The following SLC25A26 variants were observed in gnomAD, a reference collection of about 807,000 sequenced individuals.
The protein encoded by SLC25A26 is mitochondrial S-adenosylmethionine carrier protein.
A neutral mutation model predicts 37.8 loss-of-function variants in SLC25A26; 36 were observed. The ratio of observed to expected loss-of-function variants is 0.95; its 90% CI spans 0.73 to 1.26. The LOEUF is 1.26. Among genes scored for constraint, SLC25A26 ranks in the 50% most tolerant of loss-of-function variants. The pLI is 0.00. For synonymous variants in SLC25A26, 129 were observed against 122.5 expected (o/e 1.05, Z -0.35); for missense variants, 390 against 331.1 (o/e 1.18, Z -1.38).
chr3:66,164,115 G>A (rs1316633220), intron 1 of SLC25A26, among the ~76,000 whole-genome samples: 5 of 152,284 alleles, frequency 3.3e-5, no homozygotes, highest in African/African-American at 1.2e-4. Flanking sequence ...AGAAATAGAA[G>A]ATTTTGTAAT....
At chr3:66,206,671 A>G (rs892640014) in intron 1 of SLC25A26, among the ~76,000 whole-genome samples, 17 of 150,372 alleles carry the variant, frequency 1.1e-4, no homozygotes, top group Admixed American at 1.1e-3. Flanking sequence ...CAGTTAACAT[A>G]TTTGCATCGC....
chr3:66,304,769 C>A (rs1311124429), intron 5 of SLC25A26, among the ~76,000 whole-genome samples: 2 of 152,138 alleles, frequency 1.3e-5, no homozygotes, highest in African/African-American at 4.8e-5. Context: ...TGGCTCAGAA[C>A]TTTGCAATTT....
At chr3:66,153,683 C>T (rs1179472199) in intron 1 of SLC25A26, among the ~76,000 whole-genome samples, 3 of 152,202 alleles carry the variant, frequency 2.0e-5, no homozygotes, top group Admixed American at 2.0e-4. Context: ...ATGCAAGTCT[C>T]CTGGTGGAAT....
intron 1 of SLC25A26, among the ~76,000 whole-genome samples, chr3:66,201,506 TA>T (rs1365666500): frequency 6.6e-6 from 1 of 152,122 alleles, no homozygotes; most frequent in East Asian, 1.9e-4. Context: ...GCTAATTTTT[TA>T]TTTTTTTAAA....
intron 1 of SLC25A26, among the ~76,000 whole-genome samples, chr3:66,190,283 C>A (rs2070912721): frequency 6.6e-6 from 1 of 150,396 alleles, no homozygotes; most frequent in Non-Finnish European, 1.5e-5. Flanking sequence ...CCACTGCACT[C>A]CAGCCTGGAC....
intron 3 of SLC25A26, among the ~76,000 whole-genome samples, chr3:66,245,837 G>GTTCA (rs2107139732): frequency 1.3e-5 from 2 of 152,216 alleles, no homozygotes; most frequent in Admixed American, 1.3e-4. Context: ...ATACCATACA[G>GTTCA]TTCACCCCTT....
chr3:66,245,341 A>G (rs2072783568), intron 3 of SLC25A26, among the ~76,000 whole-genome samples: 1 of 151,614 alleles, frequency 6.6e-6, no homozygotes, highest in South Asian at 2.1e-4. Flanking sequence ...TCATTAACTT[A>G]TCTTTCTCCC....
intron 1 of SLC25A26, among the ~76,000 whole-genome samples, chr3:66,154,240 C>A (rs540075082): frequency 6.6e-6 from 1 of 152,116 alleles, no homozygotes; most frequent in Non-Finnish European, 1.5e-5. Flanking sequence ...TGCAGATAGA[C>A]CCGCTGAGAC....
chr3:66,291,273 A>C (rs746348576), intron 5 of SLC25A26, among the ~76,000 whole-genome samples: 26 of 152,002 alleles, frequency 1.7e-4, no homozygotes, highest in Middle Eastern at 3.4e-3. Flanking sequence ...TCCTAAATTA[A>C]TTGTGTTTTT....
At chr3:66,221,190 G>T in intron 1 of SLC25A26, 63 bp downstream of exon 1, 1 of 1,478,402 alleles carries the variant, frequency 6.8e-7, no homozygotes, top group Non-Finnish European at 9.0e-7. Context: ...GAGCCCGCGG[G>T]CGTTCTCTGC....
intron 1 of SLC25A26, among the ~76,000 whole-genome samples, chr3:66,215,469 G>A (rs1270014424): frequency 6.6e-6 from 1 of 152,164 alleles, no homozygotes; most frequent in African/African-American, 2.4e-5. Context: ...ACACAGTTCT[G>A]TGATTCAGTA....
intron 5 of SLC25A26, among the ~76,000 whole-genome samples, chr3:66,298,279 A>G (rs2074969051): frequency 6.6e-6 from 1 of 152,204 alleles, no homozygotes; most frequent in Non-Finnish European, 1.5e-5. Context: ...CAGGAGGAAA[A>G]TGAAATGTTG....
At chr3:66,235,062 A>G (rs2072210080) in intron 1 of SLC25A26, among the ~76,000 whole-genome samples, 2 of 152,082 alleles carry the variant, frequency 1.3e-5, no homozygotes, top group Admixed American at 6.5e-5. Context: ...AACAAACGTT[A>G]TGTTTTTGTC....
intron 1 of SLC25A26, among the ~76,000 whole-genome samples, chr3:66,225,408 C>A (rs1172731338): frequency 6.6e-6 from 1 of 152,190 alleles, no homozygotes; most frequent in Non-Finnish European, 1.5e-5. Context: ...CCCCTTCTAG[C>A]CACGGCTGTA....
chr3:66,319,527 C>T (rs2075635178), intron 5 of SLC25A26, among the ~76,000 whole-genome samples: 1 of 151,914 alleles, frequency 6.6e-6, no homozygotes, highest in Admixed American at 6.6e-5. Flanking sequence ...ATTCTTATAC[C>T]TTCCTTATCT....
chr3:66,347,596 C>T (rs2076355499), intron 6 of SLC25A26, among the ~76,000 whole-genome samples: 1 of 152,182 alleles, frequency 6.6e-6, no homozygotes, highest in African/African-American at 2.4e-5. Flanking sequence ...ACCAGAAATA[C>T]CATTTGACCC....
intron 5 of SLC25A26, chr3:66,324,229 T>TGTGTGTGTGTGTGTGTGTG (rs58406484): frequency 7.8e-6 from 1 of 128,054 alleles, no homozygotes; most frequent in Non-Finnish European, 1.6e-5. Context: ...TGTGTGTGTG[T>TGTGTGTGTGTGTGTGTGTG]AGTTTGACAG....
chr3:66,286,389 T>C (rs866552273), intron 5 of SLC25A26, among the ~76,000 whole-genome samples: 11 of 152,160 alleles, frequency 7.2e-5, no homozygotes, highest in Non-Finnish European at 1.5e-5. Flanking sequence ...GAGGTTTAGC[T>C]CAAAGTTTGT....
At chr3:66,349,863 T>C (rs1025637573) in intron 6 of SLC25A26, among the ~76,000 whole-genome samples, 10 of 152,192 alleles carry the variant, frequency 6.6e-5, no homozygotes, top group African/African-American at 2.4e-4. Flanking sequence ...CCATGTCATT[T>C]CTTGTTACTA....
Sources: gnomAD v4.1 joint callset for allele counts (sites outside exome capture counted in the v4.1 genomes callset) on GRCh38, gnomAD v4.1.1 for gene constraint, MANE v1.5 for transcripts, NCBI Gene and HGNC (gene_info 2026-07-23, HGNC 2026-07-21) for gene names.